The following B4GALT6 variants were observed in gnomAD, a reference collection of about 807,000 sequenced individuals.
B4GALT6 encodes the protein beta-1,4-galactosyltransferase 6.
A neutral mutation model predicts 46.3 loss-of-function variants in B4GALT6; 14 were observed. The observed-to-expected ratio is 0.30, with a 90% CI of 0.20 to 0.47. B4GALT6 has a LOEUF of 0.47. Among genes scored for constraint, B4GALT6 ranks in the 20% least tolerant of loss-of-function variants. The pLI is 0.99. For synonymous variants in B4GALT6, 168 were observed against 162.0 expected, an observed-to-expected ratio of 1.04 and a Z score of -0.28; for missense variants, 386 against 480.1, an observed-to-expected ratio of 0.80 and a Z score of 1.83.
intron 1 of B4GALT6, among the ~76,000 whole-genome samples, chr18:31,673,838 A>T (rs1306079414): frequency 6.6e-6 from 1 of 152,136 alleles, no homozygotes; most frequent in Non-Finnish European, 1.5e-5. Context: ...TGAGATGAGG[A>T]GATCATCCTG....
intron 1 of B4GALT6, among the ~76,000 whole-genome samples, chr18:31,673,082 GAAGA>G (rs1156276409): frequency 6.6e-6 from 1 of 152,158 alleles, no homozygotes; most frequent in East Asian, 1.9e-4. Context: ...AAAAAAACTA[GAAGA>G]AAGGGTGAAT....
intron 2 of B4GALT6, among the ~76,000 whole-genome samples, chr18:31,663,896 A>C (rs1412117050): frequency 6.6e-6 from 1 of 152,252 alleles, no homozygotes; most frequent in Non-Finnish European, 1.5e-5. Context: ...TGGCTAAATG[A>C]ACATGGCGGA....
At chr18:31,722,352 G>A in the B4GALT6 span, among the ~76,000 whole-genome samples, 3 of 152,166 alleles carry the variant, frequency 2.0e-5, no homozygotes, top group South Asian at 6.2e-4. Context: ...GGTAATATTG[G>A]GTAATATTGA....
intron 2 of B4GALT6, among the ~76,000 whole-genome samples, chr18:31,663,935 T>C (rs1183055166): frequency 6.6e-6 from 1 of 152,208 alleles, no homozygotes; most frequent in Non-Finnish European, 1.5e-5. Context: ...ACTCCATTCT[T>C]CCCTTTCCCC....
In B4GALT6 at chr18:31,655,979, G is replaced by A. The variant is rs555976569; in HGVS notation, c.346+1997C>T. On this transcript the variant is annotated intron_variant, in intron 3 of 8. Transcript: ENST00000306851. The stretch of plus-strand genomic sequence containing the variant: ...CTCAATACGTGGCCCAAGGCTCAGC[G>A]GCAACAGCATCACCTTGCGGGATTT... 6.6e-5 allele frequency among the ~76,000 whole-genome samples: 10 copies of A among 152,008 alleles called. No individual in the cohort carries two copies. The South Asian group carries it at 1.5e-3, about 22-fold the overall frequency.
At chr18:31,688,411 A>G (rs2030004387), upstream of B4GALT6, among the ~76,000 whole-genome samples, 1 of 151,746 alleles carries the variant, frequency 6.6e-6, no homozygotes, top group South Asian at 2.1e-4. Flanking sequence ...AAGAAATTTT[A>G]AATGTCTTAC....
chr18:31,626,904 A>G (rs932304817), intron 7 of B4GALT6, 95 bp downstream of exon 7: 6 of 1,098,644 alleles, frequency 5.5e-6, no homozygotes, highest in Non-Finnish European at 7.7e-6. Context: ...TCCCATCCCA[A>G]AGAATGTTCT....
chr18:31,628,678 G>A (rs533297220), intron 6 of B4GALT6, among the ~76,000 whole-genome samples: 2 of 152,282 alleles, frequency 1.3e-5, no homozygotes, highest in East Asian at 3.9e-4. Context: ...GTGGGGCAGG[G>A]ACGCTTCACC....
chr18:31,668,587 G>T (rs2074310261), intron 1 of B4GALT6, among the ~76,000 whole-genome samples: 1 of 152,026 alleles, frequency 6.6e-6, no homozygotes, highest in Non-Finnish European at 1.5e-5. Flanking sequence ...CTTAATGTTA[G>T]TTTCATAAAA....
At chr18:31,723,469 G>T in the B4GALT6 span, among the ~76,000 whole-genome samples, 1 of 152,182 alleles carries the variant, frequency 6.6e-6, no homozygotes, top group African/African-American at 2.4e-5. Flanking sequence ...CCTCTGAAGA[G>T]TGGCGCTGTA....
At chr18:31,707,789 C>T in the B4GALT6 span, among the ~76,000 whole-genome samples, 1 of 152,056 alleles carries the variant, frequency 6.6e-6, no homozygotes, top group African/African-American at 2.4e-5. Flanking sequence ...GTGGAAGTCC[C>T]TAATACCACT....
At chr18:31,664,129 C>T (rs1042172025) in intron 2 of B4GALT6, among the ~76,000 whole-genome samples, 3 of 151,834 alleles carry the variant, frequency 2.0e-5, no homozygotes, top group East Asian at 1.9e-4. Context: ...TCTTTGTTCT[C>T]GCTTTCCTCC....
upstream of B4GALT6, among the ~76,000 whole-genome samples, chr18:31,685,113 G>A (rs1487442118): frequency 6.8e-6 from 1 of 146,154 alleles, no homozygotes; most frequent in Non-Finnish European, 1.5e-5. Flanking sequence ...GGCGCCCCGC[G>A]GCCGCCGCGG....
chr18:31,697,627 A>C, the B4GALT6 span, among the ~76,000 whole-genome samples: 2 of 152,228 alleles, frequency 1.3e-5, no homozygotes, highest in Non-Finnish European at 2.9e-5. Flanking sequence ...CTACAAACTA[A>C]ATTCCTCCCA....
At chr18:31,673,142 C>A (rs1219006444) in intron 1 of B4GALT6, among the ~76,000 whole-genome samples, 1 of 152,044 alleles carries the variant, frequency 6.6e-6, no homozygotes, top group Non-Finnish European at 1.5e-5. Flanking sequence ...AAAAACCATT[C>A]TGTTGGTGGG....
chr18:31,630,985 A>C lies in B4GALT6; in HGVS notation c.750T>G (p.Ala250=). ...YGCGEMPRHF[A]AKLDKYMYIL... ...TATACATGTATTTATCCAGCTTTGCAGCAAAATGACGTGGCATTTCTCCAC... is the reference window on the plus strand; with the variant it reads ...TATACATGTATTTATCCAGCTTTGCCGCAAAATGACGTGGCATTTCTCCAC... Residue 250 remains alanine, a synonymous_variant, in exon 6 of 9, where the codon GCT becomes GCG. Transcript: ENST00000306851. The C allele has an allele frequency of 6.2e-7, 1 of 1,614,240 alleles. No individual in the cohort carries two copies. The highest frequency in any genetic ancestry group is 8.5e-7 in the Non-Finnish European group (1 of 1,180,036).
chr18:31,681,771 T>C (rs1296006518), intron 1 of B4GALT6, among the ~76,000 whole-genome samples: 1 of 152,022 alleles, frequency 6.6e-6, no homozygotes, highest in African/African-American at 2.4e-5. Context: ...AATTAAAGTT[T>C]ACCAAACAGG....
chr18:31,684,563 G>C lies in B4GALT6; in HGVS notation c.-137C>G, dbSNP rs192748886. ...TCCGCGCGGGGAGGCTCTGGGGAGA[G>C]GGCCCGAGCGGAAAAGAGGAAATGG... On this transcript the variant is annotated 5_prime_UTR_variant, in exon 1 of 9. Transcript: ENST00000306851. 7,929 of 1,441,742 alleles carry C rather than the reference G, an allele frequency of 5.5e-3. 24 individuals are homozygous for C. The highest frequency in any genetic ancestry group is 9.2e-3 in the Admixed American group (382 of 41,692). The allele number at this position is 1,441,742 out of a possible 1,614,324, so 89.3% of individuals were successfully genotyped here.
intron 3 of B4GALT6, among the ~76,000 whole-genome samples, chr18:31,646,913 G>A (rs1389475022): frequency 6.6e-6 from 1 of 152,200 alleles, no homozygotes; most frequent in Non-Finnish European, 1.5e-5. Flanking sequence ...AACATAAGCA[G>A]TCTTTTATAA....
Sources: allele counts gnomAD v4.1 joint callset (sites outside exome capture counted in the v4.1 genomes callset), GRCh38; gene constraint gnomAD v4.1.1; transcripts MANE v1.5; gene names NCBI Gene and HGNC (gene_info 2026-07-23, HGNC 2026-07-21).